PCDHA1: variants seen among roughly 807,000 people sequenced by gnomAD.
The protein encoded by PCDHA1 is protocadherin alpha 1.
A neutral mutation model predicts 61.3 loss-of-function variants in PCDHA1; 42 were observed. That is an observed-to-expected ratio of 0.69 (90% CI 0.54 to 0.89). The LOEUF is 0.89. Ranked by LOEUF, PCDHA1 falls within the 40% of genes least tolerant of loss-of-function variation. The pLI is 0.00. For missense variants in PCDHA1, 1,256 were observed against 1,235.3 expected, an observed-to-expected ratio of 1.02 and a Z score of -0.25; for synonymous variants, 610 against 553.8, an observed-to-expected ratio of 1.10 and a Z score of -1.43.
At position 140,863,274 on chromosome 5, in the gene PCDHA1, G is replaced by T. The variant is rs782533377; in HGVS notation, c.2394+74590G>T. 8.9e-6 allele frequency: 13 copies of T among 1,461,580 alleles called. No individual in the cohort carries two copies. In the African/African-American group the frequency reaches 1.8e-4, roughly 21 times the overall value. 90.5% of individuals were successfully genotyped at this position (1,461,580 alleles called of 1,614,324 possible). On this transcript the variant is annotated intron_variant, in intron 1 of 3. Coordinates refer to ENST00000504120, the MANE Select transcript of PCDHA1 (RefSeq NM_018900.4). Reference sequence around the variant, plus strand: ...TCGAGGTCCGGGAGGCAGCGCTGGTGGATGTCAACGTGTACCTGATCATCG... The same window carrying T: ...TCGAGGTCCGGGAGGCAGCGCTGGTTGATGTCAACGTGTACCTGATCATCG...
intron 1 of PCDHA1, among the ~76,000 whole-genome samples, chr5:140,805,933 T>C (rs1763653579): frequency 6.6e-6 from 1 of 152,154 alleles, no homozygotes; most frequent in Non-Finnish European, 1.5e-5. Context: ...ATTAGGTAAG[T>C]CCCTCTGAGC....
intron 1 of PCDHA1, among the ~76,000 whole-genome samples, chr5:140,790,927 T>G (rs1248441439): frequency 6.6e-6 from 1 of 152,188 alleles, no homozygotes; most frequent in Non-Finnish European, 1.5e-5. Context: ...AAAAAATGAT[T>G]GTGGAGTGGT....
At chr5:140,789,478 GACCA>G (rs1562139973) in intron 1 of PCDHA1, among the ~76,000 whole-genome samples, 1 of 151,938 alleles carries the variant, frequency 6.6e-6, no homozygotes. Flanking sequence ...AACCAAAACC[GACCA>G]ACCAAACAAA....
intron 1 of PCDHA1, chr5:140,830,239 G>T (rs1770921442): frequency 1.2e-6 from 2 of 1,613,826 alleles, no homozygotes; most frequent in South Asian, 1.1e-5. Context: ...TCACGCTACT[G>T]CTGTACACAG....
At chr5:140,851,854 G>A (rs1187203228) in intron 1 of PCDHA1, 1 of 972,298 alleles carries the variant, frequency 1.0e-6, no homozygotes, top group East Asian at 1.1e-4. Flanking sequence ...TCTCCTCTCA[G>A]CTCATACATA....
At chr5:141,004,935 A>C (rs1554259817) in intron 3 of PCDHA1, among the ~76,000 whole-genome samples, 1 of 152,112 alleles carries the variant, frequency 6.6e-6, no homozygotes, top group African/African-American at 2.4e-5. Flanking sequence ...GAGAGAAGAA[A>C]ATTTCTTACC....
chr5:140,796,007 C>G (rs1762023250), intron 1 of PCDHA1: 1 of 1,614,000 alleles, frequency 6.2e-7, no homozygotes, highest in Non-Finnish European at 8.5e-7. Flanking sequence ...GATAACACAC[C>G]AGAAGTCTCA....
At chr5:140,927,505 G>T (rs782722913) in intron 1 of PCDHA1, 1 of 1,614,120 alleles carries the variant, frequency 6.2e-7, no homozygotes, top group East Asian at 2.2e-5. Flanking sequence ...GGTGCTTACA[G>T]CTCGGGACGG....
Position 140,968,830 on chromosome 5 carries a change from C to T in PCDHA1, c.2395-10119C>T, listed in dbSNP as rs782771762. On this transcript the variant is annotated intron_variant, in intron 1 of 3. Coordinates refer to ENST00000504120, the MANE Select transcript of PCDHA1 (RefSeq NM_018900.4). The stretch of plus-strand genomic sequence containing the variant: ...TGGTGGATAGGGTTTCCAAAATCCT[C>T]CCTGACACTCAGAGGCATGTTAAGA... 48 of 1,614,080 alleles carry T rather than the reference C, an allele frequency of 3.0e-5. No homozygotes were observed. The Admixed American group carries it at 8.0e-4, about 27-fold the overall frequency.
intron 1 of PCDHA1, among the ~76,000 whole-genome samples, chr5:140,918,436 A>T (rs2078697265): frequency 6.6e-6 from 1 of 152,092 alleles, no homozygotes; most frequent in Admixed American, 6.6e-5. Context: ...GTTGAATAGG[A>T]GTGGTGACAG....
intron 3 of PCDHA1, among the ~76,000 whole-genome samples, chr5:140,985,238 A>G (rs2097143387): frequency 1.3e-5 from 2 of 152,120 alleles, no homozygotes; most frequent in Non-Finnish European, 2.9e-5. Context: ...CGCCTGGCCT[A>G]ATCTTCTTAC....
chr5:140,968,477 G>T, intron 1 of PCDHA1: 1 of 1,614,112 alleles, frequency 6.2e-7, no homozygotes, highest in Non-Finnish European at 8.5e-7. Flanking sequence ...ATATGTGGTG[G>T]ACATGAATGA....
rs1200077477 is a variant in PCDHA1, at chr5:140,898,429, C to T, written c.2395-80520C>T. 2.1e-3 allele frequency among the ~76,000 whole-genome samples: 312 copies of T among 150,132 alleles called. 2 individuals are homozygous for T. Among genetic ancestry groups the T allele is most frequent in the African/African-American group, 7.3e-3 (294 of 40,066 alleles). On this transcript the variant is annotated intron_variant, in intron 1 of 3. Coordinates refer to ENST00000504120, the MANE Select transcript of PCDHA1 (RefSeq NM_018900.4). ...ATACGGCTAGCCAGTTTTCCCAGCACCATTTATTAAATAGGGAATCCTTTC... is the reference window on the plus strand; with the variant it reads ...ATACGGCTAGCCAGTTTTCCCAGCATCATTTATTAAATAGGGAATCCTTTC...
In PCDHA1 at chr5:140,857,202, C is replaced by A. The variant is rs560343247; in HGVS notation, c.2394+68518C>A. 14 of 1,598,626 alleles carry A rather than the reference C, an allele frequency of 8.8e-6. No individual in the cohort carries two copies. In the African/African-American group the frequency reaches 1.1e-4, roughly 12 times the overall value. On this transcript the variant is annotated intron_variant, in intron 1 of 3. Coordinates refer to ENST00000504120, the MANE Select transcript of PCDHA1 (RefSeq NM_018900.4). The stretch of plus-strand genomic sequence containing the variant: ...GATTCAGGAGCCAACGGACAGGTCA[C>A]CTGCTCTCTGACGCCTCACGTTCCG...
intron 3 of PCDHA1, among the ~76,000 whole-genome samples, chr5:140,999,095 G>C (rs1554256620): frequency 6.6e-6 from 1 of 152,202 alleles, no homozygotes; most frequent in African/African-American, 2.4e-5. Flanking sequence ...GAGGGCTATG[G>C]AGAGTAACCT....
At chr5:140,791,318 T>G (rs1451806202) in intron 1 of PCDHA1, among the ~76,000 whole-genome samples, 1 of 152,224 alleles carries the variant, frequency 6.6e-6, no homozygotes, top group Non-Finnish European at 1.5e-5. Flanking sequence ...AAGACTCTTC[T>G]GCTATCTTTT....
chr5:140,861,449 C>A (rs1448075777), intron 1 of PCDHA1: 11 of 493,904 alleles, frequency 2.2e-5, no homozygotes, highest in Admixed American at 1.0e-4. Flanking sequence ...GCCGCAGAAA[C>A]CTTCTGGAGG....
At chr5:140,880,630 C>T (rs2058401400) in intron 1 of PCDHA1, among the ~76,000 whole-genome samples, 2 of 152,122 alleles carry the variant, frequency 1.3e-5, no homozygotes, top group Admixed American at 1.3e-4. Context: ...AGTTAATTAT[C>T]AATTCACTTG....
At chr5:140,960,446 T>C (rs1563310715) in intron 1 of PCDHA1, among the ~76,000 whole-genome samples, 2 of 152,204 alleles carry the variant, frequency 1.3e-5, no homozygotes, top group African/African-American at 4.8e-5. Context: ...GATATATGTA[T>C]GGATAATTTT....
Sources: gnomAD v4.1 joint callset for allele counts (sites outside exome capture counted in the v4.1 genomes callset) on GRCh38, gnomAD v4.1.1 for gene constraint, MANE v1.5 for transcripts, NCBI Gene and HGNC (gene_info 2026-07-23, HGNC 2026-07-21) for gene names.